ATF2: variants seen among roughly 807,000 people sequenced by gnomAD.
ATF2 encodes cyclic AMP-dependent transcription factor ATF-2.
In ATF2, 24 loss-of-function variants were observed where a neutral mutation model predicts 60.6. That is an observed-to-expected ratio of 0.40 (90% CI 0.29 to 0.56). ATF2 has a LOEUF of 0.56. Ranked by LOEUF, ATF2 falls within the 20% of genes least tolerant of loss-of-function variation. ATF2 has a pLI of 0.54. For missense variants in ATF2, 433 were observed against 607.7 expected, an observed-to-expected ratio of 0.71 and a Z score of 3.02; for synonymous variants, 206 against 215.4, an observed-to-expected ratio of 0.96 and a Z score of 0.38.
intron 4 of ATF2, among the ~76,000 whole-genome samples, chr2:175,128,393 G>C (rs1362085987): frequency 1.3e-5 from 2 of 152,032 alleles, no homozygotes; most frequent in East Asian, 3.9e-4. Flanking sequence ...CAAGCTACTT[G>C]GGAGGCTAAG....
chr2:175,164,744 G>T (rs895648719), intron 1 of ATF2, among the ~76,000 whole-genome samples: 1 of 152,196 alleles, frequency 6.6e-6, no homozygotes, highest in Non-Finnish European at 1.5e-5. Context: ...TACATAAAGA[G>T]AACATGCAGC....
chr2:175,148,533 G>A (rs549366637), intron 2 of ATF2, among the ~76,000 whole-genome samples: 19 of 151,968 alleles, frequency 1.3e-4, no homozygotes, highest in Non-Finnish European at 2.5e-4. Flanking sequence ...AAGTTAACCC[G>A]AAAAACTAGT....
At chr2:175,133,989 A>C (rs533105268) in intron 3 of ATF2, among the ~76,000 whole-genome samples, 1 of 152,308 alleles carries the variant, frequency 6.6e-6, no homozygotes, top group South Asian at 2.1e-4. Context: ...AGGAAACCTT[A>C]CAGAAGCTTT....
intron 13 of ATF2, among the ~76,000 whole-genome samples, chr2:175,079,734 A>AT (rs1388276858): frequency 2.6e-5 from 4 of 152,192 alleles, no homozygotes; most frequent in Non-Finnish European, 5.9e-5. Flanking sequence ...AACTGTTTGC[A>AT]TCCAATACAA....
rs760582328 is a variant in ATF2, at chr2:175,080,785, T to C, written c.1186-20A>G. On this transcript the variant is annotated intron_variant, in intron 12 of 13. Coordinates refer to ENST00000264110, the MANE Select transcript of ATF2 (RefSeq NM_001880.4). ...TTCACTCTGGAGAAGAAACAACTTA[T>C]GTACCTTACCACAGACTAAACATAT... The C allele has an allele frequency of 2.5e-6, 4 of 1,583,624 alleles. No homozygotes were observed. Among genetic ancestry groups the C allele is most frequent in the East Asian group, 2.2e-5 (1 of 44,702 alleles).
chr2:175,151,848 T>G (rs903948364), intron 1 of ATF2, among the ~76,000 whole-genome samples: 13 of 152,204 alleles, frequency 8.5e-5, no homozygotes, highest in Non-Finnish European at 1.9e-4. Context: ...TTCTCCTTCA[T>G]GGTTTTAAAA....
intron 10 of ATF2, among the ~76,000 whole-genome samples, chr2:175,107,690 C>T (rs186034841): frequency 3.3e-5 from 5 of 152,314 alleles, no homozygotes; most frequent in East Asian, 3.9e-4. Context: ...CACAGCAGGC[C>T]GAGTGCCTGC....
chr2:175,163,338 T>C (rs1241489263), intron 1 of ATF2, among the ~76,000 whole-genome samples: 1 of 152,100 alleles, frequency 6.6e-6, no homozygotes, highest in Non-Finnish European at 1.5e-5. Flanking sequence ...TGGTCAATAT[T>C]ATAGATAAAA....
intron 1 of ATF2, among the ~76,000 whole-genome samples, chr2:175,153,420 T>C (rs1699440258): frequency 6.6e-6 from 1 of 152,246 alleles, no homozygotes; most frequent in South Asian, 2.1e-4. Flanking sequence ...CTATTGCTCC[T>C]AGGCTACAAA....
In ATF2 at chr2:175,111,646, T is replaced by C. The variant is rs201429820; in HGVS notation, c.750A>G (p.Arg250=). Residue 250 remains arginine (R), a synonymous_variant, in exon 10 of 14, where the codon CGA becomes CGG. Coordinates refer to ENST00000264110, the MANE Select transcript of ATF2 (RefSeq NM_001880.4). ...VHVPAAVPLV[R]PVTMVPSVPG... ...GAACACTAGGCACCATGGTGACTGG[T>C]CGAACGAGCTATGCATGACATAAGG... is the stretch of plus-strand genomic sequence containing the variant. The C allele has an allele frequency of 6.2e-7, 1 of 1,613,696 alleles. No individual in the cohort carries two copies. Among genetic ancestry groups the C allele is most frequent in the African/African-American group, 1.3e-5 (1 of 75,026 alleles).
chr2:175,085,930 C>G (rs558406896), intron 12 of ATF2, among the ~76,000 whole-genome samples: 3 of 152,210 alleles, frequency 2.0e-5, no homozygotes, highest in Admixed American at 6.5e-5. Flanking sequence ...ATTTGTTACT[C>G]TTTGTTTTAA....
Position 175,139,681 on chromosome 2 carries a change from AAAAG to A in ATF2, c.-43-3199_-43-3196del, listed in dbSNP as rs1318870369. ...TCCATCTCAAAAAAAAAAAAAAAAG[AAAAG>A]AAAGAAAGAAATAGATTACATTAAA... On this transcript the variant is annotated intron_variant, in intron 2 of 13. Transcript: ENST00000264110. 1.8e-3 allele frequency among the ~76,000 whole-genome samples: 268 copies of A among 150,980 alleles called. 2 individuals are homozygous for A. Among genetic ancestry groups the A allele is most frequent in the African/African-American group, 5.6e-3 (230 of 41,178 alleles).
intron 4 of ATF2, among the ~76,000 whole-genome samples, chr2:175,129,363 A>G (rs979561768): frequency 6.6e-6 from 1 of 152,078 alleles, no homozygotes; most frequent in Non-Finnish European, 1.5e-5. Context: ...TTGTATGTTT[A>G]CTATCCTGAT....
chr2:175,151,051 A>G lies in ATF2; in HGVS notation c.-44+9T>C, dbSNP rs1212300502. 1 of 152,490 alleles carries G rather than the reference A, an allele frequency of 6.6e-6. No individual in the cohort carries two copies. The highest frequency in any genetic ancestry group is 1.5e-5 in the Non-Finnish European group (1 of 67,952). 9.4% of individuals were successfully genotyped at this position (152,490 alleles called of 1,614,324 possible). ...AATACTTTTATGTTAAAAGCTTAAA[A>G]TCTCTTACCTTTCTAGCTGGTGGGC... On this transcript the variant is annotated intron_variant, in intron 2 of 13. Coordinates refer to ENST00000264110, the MANE Select transcript of ATF2 (RefSeq NM_001880.4).
Position 175,114,885 on chromosome 2 carries a change from T to TA in ATF2, c.448-18dup, listed in dbSNP as rs751815308. On this transcript the variant is annotated splice_polypyrimidine_tract_variant and intron_variant, in intron 7 of 13. Coordinates refer to ENST00000264110, the MANE Select transcript of ATF2 (RefSeq NM_001880.4). Reference sequence around the variant, plus strand: ...TGGTACTTCCTATTTAACAATGAGATAAAAAAGGGTGGCATTTAAAAATAC... The same window carrying TA: ...TGGTACTTCCTATTTAACAATGAGATAAAAAAAGGGTGGCATTTAAAAATAC... The TA allele has an allele frequency of 1.2e-5, 20 of 1,601,232 alleles. No homozygotes were observed. The highest frequency in any genetic ancestry group is 1.6e-5 in the Non-Finnish European group (19 of 1,171,448).
chr2:175,101,220 C>T (rs563633074), intron 10 of ATF2, among the ~76,000 whole-genome samples: 6 of 151,870 alleles, frequency 4.0e-5, no homozygotes, highest in Non-Finnish European at 7.4e-5. Flanking sequence ...AAATTAAATG[C>T]GGGACTAAAG....
intron 2 of ATF2, among the ~76,000 whole-genome samples, chr2:175,141,299 C>T (rs13388308): frequency 0.25 from 38,359 of 150,922 alleles, 5,682 homozygotes; most frequent in African/African-American, 0.42. Context: ...TCACATCCTA[C>T]AAAAACTCAG....
chr2:175,166,872 C>G (rs1574530370), intron 1 of ATF2, among the ~76,000 whole-genome samples: 1 of 152,134 alleles, frequency 6.6e-6, no homozygotes, highest in African/African-American at 2.4e-5. Context: ...GAAATTTAAA[C>G]TTTCACATTA....
chr2:175,130,502 A>C (rs1207812074), intron 3 of ATF2, among the ~76,000 whole-genome samples: 1 of 152,094 alleles, frequency 6.6e-6, no homozygotes, highest in East Asian at 1.9e-4. Flanking sequence ...TCATTTATTC[A>C]AGAAAATTAA....
Sources: gnomAD v4.1 joint callset for allele counts (sites outside exome capture counted in the v4.1 genomes callset) on GRCh38, gnomAD v4.1.1 for gene constraint, MANE v1.5 for transcripts, NCBI Gene and HGNC (gene_info 2026-07-23, HGNC 2026-07-21) for gene names.